RHOBTB2: variants seen among roughly 807,000 people sequenced by gnomAD.
The protein encoded by RHOBTB2 is rho-related BTB domain-containing protein 2.
A neutral mutation model predicts 66.5 loss-of-function variants in RHOBTB2; 39 were observed. The ratio of observed to expected loss-of-function variants is 0.59; its 90% CI spans 0.45 to 0.77. RHOBTB2 has a LOEUF of 0.77. Ranked by LOEUF, RHOBTB2 falls within the 30% of genes least tolerant of loss-of-function variation. The pLI is 0.00. For synonymous variants in RHOBTB2, 390 were observed against 395.0 expected (o/e 0.99, Z 0.15); for missense variants, 755 against 999.1 (o/e 0.76, Z 3.29).
At chr8:22,961,483 T>C in the RHOBTB2 span, among the ~76,000 whole-genome samples, 35,847 of 152,144 alleles carry the variant, frequency 0.24, 5,195 homozygotes, top group East Asian at 0.42. Context: ...GCTGCCTGAC[T>C]CTCGAGCCCT....
chr8:22,957,267 G>C, the RHOBTB2 span, among the ~76,000 whole-genome samples: 4 of 152,128 alleles, frequency 2.6e-5, no homozygotes, highest in African/African-American at 9.7e-5. Flanking sequence ...TCACTGCTTG[G>C]TTAAGGTGGT....
At position 23,018,963 on chromosome 8, in the gene RHOBTB2, C is replaced by G. The variant is rs1474058788; in HGVS notation, c.*1494C>G. On this transcript the variant is annotated 3_prime_UTR_variant, in exon 10 of 10. Coordinates refer to ENST00000251822, the MANE Select transcript of RHOBTB2 (RefSeq NM_015178.3). ...GGGGATTGAAACTAGCTCCCAGCCC[C>G]CATGGGGCAGCAGCTGGGCCACAAT... 6.6e-6 allele frequency: 1 copy of G among 152,378 alleles called. No individual in the cohort carries two copies. Among genetic ancestry groups the G allele is most frequent in the African/African-American group, 2.4e-5 (1 of 41,370 alleles). 9.4% of individuals were successfully genotyped at this position (152,378 alleles called of 1,614,324 possible). A position where few individuals can be genotyped will look rare whatever the true frequency, so the allele number is the denominator to read the frequency against.
Position 23,004,843 on chromosome 8 carries a change from T to G in RHOBTB2, c.192+217T>G. ...TCTGGCTGGTTGTGTTTTCAGGGAC[T>G]GAGCTGGTGCCTGGGACTCCATCTT... On this transcript the variant is annotated intron_variant, in intron 2 of 9. Coordinates refer to ENST00000251822, the MANE Select transcript of RHOBTB2 (RefSeq NM_015178.3). This position sits in a 1 kb window ranked among gnomAD's most constrained non-coding sequence, Gnocchi z 6.4. 2 of 592,220 alleles carry G rather than the reference T, an allele frequency of 3.4e-6. No homozygotes were observed. Among genetic ancestry groups the G allele is most frequent in the South Asian group, 2.0e-5 (1 of 50,424 alleles). 36.7% of individuals were successfully genotyped at this position (592,220 alleles called of 1,614,324 possible).
At chr8:23,003,838 TG>T (rs1810861787) in intron 1 of RHOBTB2, among the ~76,000 whole-genome samples, 1 of 152,174 alleles carries the variant, frequency 6.6e-6, no homozygotes, top group South Asian at 2.1e-4. Context: ...GACTGGGGTC[TG>T]GGGTTGAAGC....
the RHOBTB2 span, among the ~76,000 whole-genome samples, chr8:22,958,693 T>A: frequency 1.4e-5 from 2 of 143,650 alleles, no homozygotes; most frequent in Admixed American, 7.4e-5. Flanking sequence ...TCCGGCTACA[T>A]GGGAGGCTGA....
intron 2 of RHOBTB2, among the ~76,000 whole-genome samples, chr8:23,005,070 A>G (rs1264201295): frequency 6.6e-6 from 1 of 152,140 alleles, no homozygotes; most frequent in Admixed American, 6.5e-5. Flanking sequence ...CCACACCCAT[A>G]GCAGTCCCTT....
the RHOBTB2 span, among the ~76,000 whole-genome samples, chr8:22,972,546 C>A: frequency 0.45 from 68,816 of 151,998 alleles, 16,546 homozygotes; most frequent in East Asian, 0.65. Flanking sequence ...CCCACTTCCA[C>A]ACCACTTTCT....
the RHOBTB2 span, among the ~76,000 whole-genome samples, chr8:22,975,016 C>T: frequency 6.6e-6 from 1 of 152,108 alleles, no homozygotes; most frequent in Non-Finnish European, 1.5e-5. Flanking sequence ...CTTTCCAGGG[C>T]CTAGACATCT....
intron 1 of RHOBTB2, among the ~76,000 whole-genome samples, chr8:22,991,290 G>T (rs1057490644): frequency 1.3e-5 from 2 of 152,138 alleles, no homozygotes; most frequent in African/African-American, 2.4e-5. Flanking sequence ...TCCCACCAGG[G>T]TCCCTGGGGT....
At chr8:23,016,930 G>A (rs1211097034) in intron 9 of RHOBTB2, among the ~76,000 whole-genome samples, 2 of 152,120 alleles carry the variant, frequency 1.3e-5, no homozygotes, top group Non-Finnish European at 2.9e-5. Flanking sequence ...ACCATGCTGA[G>A]TATCTCCTGG....
At chr8:22,996,418 G>A (rs1810558739), upstream of RHOBTB2, among the ~76,000 whole-genome samples, 1 of 152,094 alleles carries the variant, frequency 6.6e-6, no homozygotes, top group Admixed American at 6.6e-5. Flanking sequence ...AGCAATGGGG[G>A]GAGTCAGTGC....
chr8:23,002,652 T>C (rs1810819175), intron 1 of RHOBTB2, among the ~76,000 whole-genome samples: 1 of 152,166 alleles, frequency 6.6e-6, no homozygotes, highest in South Asian at 2.1e-4. Flanking sequence ...ATCATGCCAC[T>C]GCACTCCAGC....
Position 23,004,740 on chromosome 8 carries a change from C to A in RHOBTB2, c.192+114C>A. On this transcript the variant is annotated intron_variant, in intron 2 of 9. Transcript: ENST00000251822. This position sits in a 1 kb window ranked among gnomAD's most constrained non-coding sequence, Gnocchi z 6.4. ...TCACGGGAGCCCTCTAGGGGTGGGA[C>A]AGGATGGGTTGGGGGCAGCTGAAGA... The A allele has an allele frequency of 1.9e-6, 2 of 1,035,332 alleles. No homozygotes were observed. Among genetic ancestry groups the A allele is most frequent in the Non-Finnish European group, 2.8e-6 (2 of 703,396 alleles). The allele number at this position is 1,035,332 out of a possible 1,614,324, so 64.1% of individuals were successfully genotyped here. A position where few individuals can be genotyped will look rare whatever the true frequency, so the allele number is the denominator to read the frequency against.
At position 22,987,861 on chromosome 8, in the gene RHOBTB2, T is replaced by G. The variant is rs62503588; in HGVS notation, c.-137+298T>G. On this transcript the variant is annotated intron_variant, in intron 1 of 11. Coordinates refer to the RHOBTB2 transcript ENST00000519685. ...GGAGGGCTTCCACTCGTCATGAGGG[T>G]GTCCAGGGGGAGTGTCACCAGTCGC... Among the ~76,000 whole-genome samples the G allele has an allele frequency of 9.9e-3, 1,501 of 152,080 alleles. 14 individuals are homozygous for G. Among genetic ancestry groups the G allele is most frequent in the Non-Finnish European group, 0.015 (1,010 of 67,980 alleles).
upstream of RHOBTB2, among the ~76,000 whole-genome samples, chr8:22,996,424 A>G (rs1810559005): frequency 6.6e-6 from 1 of 151,920 alleles, no homozygotes; most frequent in Non-Finnish European, 1.5e-5. Flanking sequence ...GGGGGGAGTC[A>G]GTGCTCAGGC....
chr8:22,957,715 C>A, the RHOBTB2 span, among the ~76,000 whole-genome samples: 2 of 152,192 alleles, frequency 1.3e-5, no homozygotes, highest in African/African-American at 4.8e-5. Flanking sequence ...ACAAAGTTTT[C>A]CAAAGCTTAT....
At chr8:22,994,657 A>G, upstream of RHOBTB2, 2 of 1,545,884 alleles carry the variant, frequency 1.3e-6, no homozygotes, top group South Asian at 2.4e-5. Context: ...GCTACTGTGT[A>G]CTGTGCTCTC....
At chr8:23,015,846 C>A in intron 9 of RHOBTB2, 103 bp downstream of exon 9, 1 of 846,996 alleles carries the variant, frequency 1.2e-6, no homozygotes, top group Non-Finnish European at 1.9e-6. Context: ...TAATCCTTGA[C>A]CTTGGGGCTG....
upstream of RHOBTB2, chr8:22,994,759 TAA>T: frequency 1.4e-6 from 1 of 692,514 alleles, no homozygotes. Context: ...TAGACCAACA[TAA>T]AAAAAAATAC....
Sources: allele counts gnomAD v4.1 joint callset (sites outside exome capture counted in the v4.1 genomes callset), GRCh38; gene constraint gnomAD v4.1.1; non-coding constraint Gnocchi (gnomAD v3.1); transcripts MANE v1.5; gene names NCBI Gene and HGNC (gene_info 2026-07-23, HGNC 2026-07-21).